Variants in MYO16 observed in about 807,000 individuals in gnomAD.
MYO16 encodes unconventional myosin-XVI.
MYO16 carries 94 observed loss-of-function variants against 205.3 expected under a neutral mutation model. The observed-to-expected ratio is 0.46, with a 90% CI of 0.39 to 0.54. The LOEUF is 0.54. MYO16 is among the 20% of genes least tolerant of loss of function. The pLI, the probability that MYO16 is intolerant of heterozygous loss-of-function variation, is 0.00. For synonymous variants in MYO16, 988 were observed against 954.0 expected, an observed-to-expected ratio of 1.04 and a Z score of -0.66; for missense variants, 2,315 against 2,387.5, an observed-to-expected ratio of 0.97 and a Z score of 0.63.
intron 6 of MYO16, among the ~76,000 whole-genome samples, chr13:108,805,867 C>T (rs182808362): frequency 6.6e-6 from 1 of 151,050 alleles, no homozygotes; most frequent in Non-Finnish European, 1.5e-5. Flanking sequence ...ATTGCTTGAC[C>T]CCAGGAGTTC....
chr13:109,109,328 G>A (rs1384269048), intron 28 of MYO16, among the ~76,000 whole-genome samples: 3 of 152,202 alleles, frequency 2.0e-5, no homozygotes, highest in Non-Finnish European at 4.4e-5. Flanking sequence ...ACCACAAGGA[G>A]AAGGTGTGTT....
intron 15 of MYO16, among the ~76,000 whole-genome samples, chr13:108,906,155 T>G (rs1163386247): frequency 6.6e-6 from 1 of 152,196 alleles, no homozygotes; most frequent in East Asian, 1.9e-4. Flanking sequence ...TTTCTTTTTC[T>G]TTCACTTTTA....
chr13:108,908,439 G>C (rs1264278039), intron 15 of MYO16, among the ~76,000 whole-genome samples: 1 of 152,210 alleles, frequency 6.6e-6, no homozygotes. Context: ...TGTTAGAACA[G>C]ATTTGCTGTA....
At chr13:108,858,936 G>A (rs912876962) in intron 11 of MYO16, among the ~76,000 whole-genome samples, 10 of 152,204 alleles carry the variant, frequency 6.6e-5, no homozygotes, top group South Asian at 2.1e-4. Flanking sequence ...GCAGCACTTC[G>A]GTGCAGGGCT....
the MYO16 span, among the ~76,000 whole-genome samples, chr13:108,582,034 A>G: frequency 6.6e-6 from 1 of 152,092 alleles, no homozygotes. Context: ...GAGACTGTGT[A>G]TTATTTAGGT....
intron 1 of MYO16, among the ~76,000 whole-genome samples, chr13:108,638,895 G>A (rs377514645): frequency 6.6e-5 from 10 of 152,154 alleles, no homozygotes; most frequent in African/African-American, 2.4e-4. Flanking sequence ...TAGGCAGAAG[G>A]CATTTCAGGA....
intron 27 of MYO16, among the ~76,000 whole-genome samples, chr13:109,057,482 A>T (rs1396809933): frequency 6.6e-6 from 1 of 152,146 alleles, no homozygotes; most frequent in Admixed American, 6.5e-5. Context: ...AATAAATCAA[A>T]GCTGGATATA....
chr13:109,141,295 G>A lies in MYO16; in HGVS notation c.5083G>A (p.Asp1695Asn). Residue 1695 changes from aspartate to asparagine, a missense_variant, in exon 32 of 35, where the codon GAC becomes AAC. Asp to Asn is a conservative substitution (Grantham distance 23). Around this residue, in one of 3 missense-constraint regions of MYO16, gnomAD observed 1,097 missense variants for 1,092.0 expected, o/e 1.00. Transcript: ENST00000457511. This position sits in a 1 kb window ranked among gnomAD's most constrained non-coding sequence, Gnocchi z 4.1. ...CTCCAGGCCTCTCAGCAGCCCCCTGGACGAGCTCGCCAGCCTCTTCAACTC... is the reference window on the plus strand; with the variant it reads ...CTCCAGGCCTCTCAGCAGCCCCCTGAACGAGCTCGCCAGCCTCTTCAACTC... ...PSSRPLSSPL[D>N]ELASLFNSGR... The A allele has an allele frequency of 6.3e-7, 1 of 1,597,270 alleles. No individual in the cohort carries two copies. The highest frequency in any genetic ancestry group is 8.5e-7 in the Non-Finnish European group (1 of 1,172,510).
chr13:109,062,654 G>C (rs9521148), intron 27 of MYO16, among the ~76,000 whole-genome samples: 1 of 151,778 alleles, frequency 6.6e-6, no homozygotes, highest in African/African-American at 2.4e-5. Context: ...GATTCATAGA[G>C]AGATTATCAG....
intron 21 of MYO16, among the ~76,000 whole-genome samples, chr13:109,002,837 A>G (rs1594460686): frequency 6.6e-6 from 1 of 152,362 alleles, no homozygotes; most frequent in East Asian, 1.9e-4. Context: ...TTTAGTGAAA[A>G]TAAATCAAGA....
the MYO16 span, among the ~76,000 whole-genome samples, chr13:108,574,011 T>C: frequency 0.2 from 31,056 of 151,924 alleles, 3,208 homozygotes; most frequent in Middle Eastern, 0.22. Flanking sequence ...TCAGCACACC[T>C]GGCTAATTTT....
rs16972784 is a variant in MYO16 at position 108,616,977 on chromosome 13, A to T, written c.-39+20738A>T. On this transcript the variant is annotated intron_variant, in intron 1 of 24. Coordinates refer to the MYO16 transcript ENST00000251041. ...CAAGATAAAGTTCAAATTGCTCCAA[A>T]CCATTTTGTGACCTGATCTCTGATT... Among the ~76,000 whole-genome samples the T allele has an allele frequency of 7.2e-3, 1,090 of 152,146 alleles. 15 individuals carry two copies. Among genetic ancestry groups the T allele is most frequent in the African/African-American group, 0.025 (1,050 of 41,524 alleles).
chr13:109,023,003 A>G (rs1435140494), intron 23 of MYO16, among the ~76,000 whole-genome samples: 1 of 135,060 alleles, frequency 7.4e-6, no homozygotes, highest in African/African-American at 2.7e-5. Flanking sequence ...TATATTATAT[A>G]TACACATGTA....
chr13:109,193,114 T>C (rs757134377), intron 34 of MYO16, among the ~76,000 whole-genome samples: 1 of 152,106 alleles, frequency 6.6e-6, no homozygotes, highest in African/African-American at 2.4e-5. Context: ...TCTCTCTCTC[T>C]CTCTCCCTCT....
the MYO16 span, among the ~76,000 whole-genome samples, chr13:108,522,062 GA>G: frequency 6.6e-6 from 1 of 152,072 alleles, no homozygotes; most frequent in Non-Finnish European, 1.5e-5. Flanking sequence ...TTCCAAATGT[GA>G]AAACAAATTG....
rs1297047428 is a variant in MYO16, at chr13:109,140,374, A to G, written c.4162A>G (p.Ile1388Val). 1 of 1,600,686 alleles carries G rather than the reference A, an allele frequency of 6.2e-7. No homozygotes were observed. Among genetic ancestry groups the G allele is most frequent in the African/African-American group, 1.3e-5 (1 of 74,398 alleles). ...NTKLSGSYEE[I>V]SGSRPGDARP... Reference sequence around the variant, plus strand: ...CAAGCTCAGCGGCTCCTACGAGGAGATATCGGGGTCCCGGCCCGGGGACGC... The same window carrying G: ...CAAGCTCAGCGGCTCCTACGAGGAGGTATCGGGGTCCCGGCCCGGGGACGC... Residue 1388 changes from isoleucine (I) to valine (V), a missense_variant, in exon 32 of 35, where the codon ATA (isoleucine) becomes GTA (valine). Coordinates refer to ENST00000457511, the MANE Select transcript of MYO16 (RefSeq NM_001198950.3). The surrounding 1 kb of genome is among the most constrained non-coding windows in gnomAD (Gnocchi z 8.0).
At chr13:108,985,210 G>A (rs7991993) in intron 20 of MYO16, among the ~76,000 whole-genome samples, 96,439 of 152,078 alleles carry the variant, frequency 0.63, 31,851 homozygotes, top group South Asian at 0.82. Flanking sequence ...ACACGTAGTG[G>A]ACAGCTGAGT....
chr13:108,883,897 T>C (rs1013027337), intron 13 of MYO16, among the ~76,000 whole-genome samples: 3 of 152,184 alleles, frequency 2.0e-5, no homozygotes, highest in Admixed American at 6.5e-5. Context: ...AGTGCTGGGA[T>C]TACAGACATG....
intron 12 of MYO16, among the ~76,000 whole-genome samples, chr13:108,868,110 C>T (rs187485179): frequency 1.6e-3 from 244 of 151,014 alleles, no homozygotes; most frequent in Admixed American, 3.5e-3. Flanking sequence ...AATATTACTG[C>T]TATGAACATC....
Sources: gnomAD v4.1 joint callset for allele counts (sites outside exome capture counted in the v4.1 genomes callset) on GRCh38, gnomAD v4.1.1 for gene constraint, gnomAD v4.1.1 regional missense constraint, Gnocchi (gnomAD v3.1) non-coding constraint, MANE v1.5 for transcripts, NCBI Gene and HGNC (gene_info 2026-07-23, HGNC 2026-07-21) for gene names.